RAD18: variants seen among roughly 807,000 people sequenced by gnomAD.
RAD18 encodes the protein RAD18 E3 ubiquitin protein ligase.
In RAD18, 47 loss-of-function variants were observed where a neutral mutation model predicts 60.4. The ratio of observed to expected loss-of-function variants is 0.78; its 90% CI spans 0.62 to 0.99. RAD18 has a LOEUF of 0.99. Ranked by LOEUF, RAD18 falls within the 50% of genes least tolerant of loss-of-function variation. The probability of loss-of-function intolerance (pLI) is 0.00; values close to 1 mark genes in which losing one functional copy is unlikely to be tolerated. For synonymous variants in RAD18, 225 were observed against 195.5 expected (o/e 1.15, Z -1.26); for missense variants, 640 against 593.3 (o/e 1.08, Z -0.82).
At chr3:8,904,437 T>C (rs1939968882) in intron 9 of RAD18, among the ~76,000 whole-genome samples, 1 of 152,220 alleles carries the variant, frequency 6.6e-6, no homozygotes, top group African/African-American at 2.4e-5. Flanking sequence ...TATTTTTATG[T>C]GTATGGTACA....
chr3:8,959,695 A>G (rs1941065581), intron 1 of RAD18, among the ~76,000 whole-genome samples: 1 of 152,228 alleles, frequency 6.6e-6, no homozygotes, highest in Non-Finnish European at 1.5e-5. Context: ...CAGGAACGGA[A>G]CTACTCTGGC....
At chr3:8,942,645 T>C (rs1940773112) in intron 4 of RAD18, among the ~76,000 whole-genome samples, 1 of 152,196 alleles carries the variant, frequency 6.6e-6, no homozygotes, top group Non-Finnish European at 1.5e-5. Context: ...GAATGGGTAC[T>C]AAAGTGAAGT....
At position 8,892,822 on chromosome 3, in the gene RAD18, C is replaced by A. The variant is rs1322452846; in HGVS notation, c.1323-2371G>T. Among the ~76,000 whole-genome samples the A allele has an allele frequency of 2.6e-5, 4 of 152,218 alleles. No individual in the cohort carries two copies. In the East Asian group the frequency reaches 7.7e-4, roughly 29 times the overall value. ...CTGGTAATGTTAGTTAGAGAAAAAACCCTCAGATTTCGGTGTCAGACAAAG... is the reference window on the plus strand; with the variant it reads ...CTGGTAATGTTAGTTAGAGAAAAAAACCTCAGATTTCGGTGTCAGACAAAG... On this transcript the variant is annotated intron_variant, in intron 11 of 12. Coordinates refer to ENST00000264926, the MANE Select transcript of RAD18 (RefSeq NM_020165.4).
intron 4 of RAD18, among the ~76,000 whole-genome samples, chr3:8,942,533 G>A (rs919932279): frequency 4.6e-5 from 7 of 152,130 alleles, no homozygotes; most frequent in African/African-American, 1.7e-4. Context: ...TGTAGGCACT[G>A]GACTGAAATC....
At chr3:8,944,586 G>C (rs1940809840) in intron 4 of RAD18, among the ~76,000 whole-genome samples, 1 of 141,714 alleles carries the variant, frequency 7.1e-6, no homozygotes, top group African/African-American at 2.6e-5. Context: ...GGGGAGGGAG[G>C]AATAGAGAGG....
chr3:8,963,448 G>A lies in RAD18; in HGVS notation c.-63C>T. On this transcript the variant is annotated 5_prime_UTR_variant, in exon 1 of 13. Coordinates refer to ENST00000264926, the MANE Select transcript of RAD18 (RefSeq NM_020165.4). ...AGCCTCCGGCGCTCCAACACCACTC[G>A]AAATTCCCCGCGCTACCGCATTACG... is the stretch of plus-strand genomic sequence containing the variant. The A allele has an allele frequency of 7.0e-7, 1 of 1,433,262 alleles. No individual in the cohort carries two copies. Among genetic ancestry groups the A allele is most frequent in the Non-Finnish European group, 9.5e-7 (1 of 1,048,596 alleles). The allele number at this position is 1,433,262 out of a possible 1,614,324, so 88.8% of individuals were successfully genotyped here. A position where few individuals can be genotyped will look rare whatever the true frequency, so the allele number is the denominator to read the frequency against.
At chr3:8,946,165 C>T (rs1016555200) in intron 4 of RAD18, among the ~76,000 whole-genome samples, 6 of 152,092 alleles carry the variant, frequency 3.9e-5, no homozygotes, top group Admixed American at 3.9e-4. Flanking sequence ...AAAGATGTAC[C>T]ATTTTTTATC....
In RAD18 at chr3:8,880,267, T is replaced by G. The variant is rs1559749368; in HGVS notation, c.*1090A>C. The G allele has an allele frequency of 2.6e-5, 4 of 152,196 alleles. No homozygotes were observed. The highest frequency in any genetic ancestry group is 9.7e-5 in the African/African-American group (4 of 41,426). 9.4% of individuals were successfully genotyped at this position (152,196 alleles called of 1,614,324 possible). A position where few individuals can be genotyped will look rare whatever the true frequency, so the allele number is the denominator to read the frequency against. ...AAGACAAGGTCAACGGAGACAGTCT[T>G]TGGAAGGGGAGGTCATAAATGTTGA... On this transcript the variant is annotated 3_prime_UTR_variant, in exon 13 of 13. Coordinates refer to ENST00000264926, the MANE Select transcript of RAD18 (RefSeq NM_020165.4).
Position 8,941,486 on chromosome 3 carries a change from A to G in RAD18, c.585T>C (p.Thr195=). ...TCCTACCTTTAGTAACTTGTTTCAA[A>G]GTGGATGTCGAGGGTGGCTCAGGAC... ...AKRPEPPSTS[T]LKQVTKVDCP... Residue 195 remains threonine (T), a synonymous_variant, in exon 5 of 13, where the codon ACT becomes ACC. Transcript: ENST00000264926. 3 of 1,606,726 alleles carry G rather than the reference A, an allele frequency of 1.9e-6. No homozygotes were observed. The highest frequency in any genetic ancestry group is 1.7e-6 in the Non-Finnish European group (2 of 1,175,080).
chr3:8,886,870 G>A (rs1007454985), intron 12 of RAD18, among the ~76,000 whole-genome samples: 1 of 152,224 alleles, frequency 6.6e-6, no homozygotes, highest in African/African-American at 2.4e-5. Flanking sequence ...GGGTAGGGAA[G>A]TGAGGGAATA....
At chr3:8,892,516 C>T (rs1367999433) in intron 11 of RAD18, among the ~76,000 whole-genome samples, 1 of 152,056 alleles carries the variant, frequency 6.6e-6, no homozygotes, top group Admixed American at 6.6e-5. Flanking sequence ...TTTTTCACAC[C>T]TTTTAGTCAG....
At chr3:8,914,185 G>A (rs1940157490) in intron 7 of RAD18, among the ~76,000 whole-genome samples, 1 of 152,186 alleles carries the variant, frequency 6.6e-6, no homozygotes, top group Admixed American at 6.5e-5. Context: ...CTGTAGGTAT[G>A]TTACCAATCC....
intron 6 of RAD18, among the ~76,000 whole-genome samples, chr3:8,938,109 G>C (rs904531807): frequency 6.6e-6 from 1 of 152,022 alleles, no homozygotes; most frequent in Non-Finnish European, 1.5e-5. Context: ...TCAAACTCTC[G>C]TGGCTTATGG....
intron 4 of RAD18, among the ~76,000 whole-genome samples, chr3:8,945,001 A>G (rs1940816537): frequency 6.6e-6 from 1 of 152,232 alleles, no homozygotes; most frequent in Admixed American, 6.5e-5. Context: ...ACAATACAAC[A>G]ATGAAAAATA....
chr3:8,913,745 T>A, intron 7 of RAD18, 25 bp from the exon 8 acceptor site: 1 of 1,407,962 alleles, frequency 7.1e-7, no homozygotes. Context: ...AAATAACCAC[T>A]AGGTTAATCA....
intron 9 of RAD18, among the ~76,000 whole-genome samples, chr3:8,910,101 C>T (rs551593659): frequency 6.6e-6 from 1 of 152,110 alleles, no homozygotes; most frequent in Non-Finnish European, 1.5e-5. Context: ...CATGTATTAA[C>T]AGAAGGCAAA....
chr3:8,895,004 C>T (rs1939761418), intron 11 of RAD18, among the ~76,000 whole-genome samples: 1 of 152,054 alleles, frequency 6.6e-6, no homozygotes, highest in African/African-American at 2.4e-5. Context: ...ATCCACCTGC[C>T]TTGGCCTCCC....
intron 10 of RAD18, among the ~76,000 whole-genome samples, chr3:8,901,836 A>T (rs1413453786): frequency 6.6e-6 from 1 of 152,210 alleles, no homozygotes; most frequent in Non-Finnish European, 1.5e-5. Flanking sequence ...ATATAGAAAA[A>T]CATAATAAGC....
chr3:8,926,781 C>T (rs1940446060), intron 7 of RAD18, among the ~76,000 whole-genome samples: 1 of 152,154 alleles, frequency 6.6e-6, no homozygotes, highest in Non-Finnish European at 1.5e-5. Flanking sequence ...TGATCTTTGA[C>T]AAACCTGACA....
Sources: allele counts gnomAD v4.1 joint callset (sites outside exome capture counted in the v4.1 genomes callset), GRCh38; gene constraint gnomAD v4.1.1; transcripts MANE v1.5; gene names NCBI Gene and HGNC (gene_info 2026-07-23, HGNC 2026-07-21).